HDAC4: variants seen among roughly 807,000 people sequenced by gnomAD.
HDAC4 encodes histone deacetylase 4, also known as histone deacetylase A.
In HDAC4, 16 loss-of-function variants were observed where a neutral mutation model predicts 135.1. The observed-to-expected ratio is 0.12, with a 90% confidence interval of 0.08 to 0.18. HDAC4 has a LOEUF of 0.18. HDAC4 is among the 10% of genes least tolerant of loss of function. The probability of loss-of-function intolerance (pLI) is 1.00; values close to 1 mark genes in which losing one functional copy is unlikely to be tolerated. For synonymous variants in HDAC4, 685 were observed against 653.4 expected, an observed-to-expected ratio of 1.05 and a Z score of -0.74; for missense variants, 1,143 against 1,511.8, an observed-to-expected ratio of 0.76 and a Z score of 4.05.
intron 3 of HDAC4, among the ~76,000 whole-genome samples, chr2:239,236,044 T>C (rs554567511): frequency 1.1e-3 from 167 of 152,280 alleles, no homozygotes; most frequent in Admixed American, 3.6e-3. Flanking sequence ...CGTCTCCAAA[T>C]AGACAAATGC....
At chr2:239,337,921 T>C (rs1692050101) in intron 2 of HDAC4, among the ~76,000 whole-genome samples, 1 of 151,968 alleles carries the variant, frequency 6.6e-6, no homozygotes, top group Non-Finnish European at 1.5e-5. Flanking sequence ...TACACTGCTA[T>C]CTCTTCGGGG....
At chr2:239,258,798 G>T (rs1290582254) in intron 2 of HDAC4, among the ~76,000 whole-genome samples, 4 of 152,184 alleles carry the variant, frequency 2.6e-5, no homozygotes, top group Non-Finnish European at 4.4e-5. Flanking sequence ...TGGCAGATGG[G>T]CACACAAACA....
intron 13 of HDAC4, among the ~76,000 whole-genome samples, chr2:239,114,677 G>A (rs910743664): frequency 9.9e-5 from 15 of 152,176 alleles, no homozygotes; most frequent in African/African-American, 3.6e-4. Flanking sequence ...GGCCCTGCCT[G>A]CCTTTTTGAT....
intron 11 of HDAC4, among the ~76,000 whole-genome samples, chr2:239,129,931 A>C (rs1443893828): frequency 6.6e-6 from 1 of 152,156 alleles, no homozygotes; most frequent in African/African-American, 2.4e-5. Flanking sequence ...AAGGTGAAAG[A>C]CTGGATTGCT....
intron 2 of HDAC4, chr2:239,298,557 G>A (rs1416070111): frequency 2.0e-6 from 2 of 1,020,876 alleles, no homozygotes; most frequent in Non-Finnish European, 2.4e-6. Flanking sequence ...GGGGATGCAG[G>A]TGCCCCTGCA....
intron 12 of HDAC4, among the ~76,000 whole-genome samples, chr2:239,120,069 A>T (rs540526267): frequency 1.7e-4 from 26 of 152,182 alleles, no homozygotes; most frequent in Admixed American, 3.9e-4. Flanking sequence ...ACCACAGAGG[A>T]GGTGCTGGCC....
rs1014686891 is a variant in HDAC4 at position 239,303,764 on chromosome 2, C to G, written c.22+48914G>C. Among the ~76,000 whole-genome samples, 3 of 152,204 alleles carry G rather than the reference C, an allele frequency of 2.0e-5. No individual in the cohort carries two copies. The South Asian group carries it at 6.2e-4, about 32-fold the overall frequency. ...CTCACCCCTCACTCTTCAAAAGCGA[C>G]TGCGACAGCTGCATCCCCCGTGCTC... is the stretch of plus-strand genomic sequence containing the variant. On this transcript the variant is annotated intron_variant, in intron 2 of 26. Transcript: ENST00000543185. This position sits in a 1 kb window ranked among gnomAD's most constrained non-coding sequence, Gnocchi z 5.1.
intron 4 of HDAC4, 56 bp downstream of exon 4, chr2:239,189,777 C>T (rs530695924): frequency 1.1e-4 from 169 of 1,532,200 alleles, no homozygotes; most frequent in South Asian, 5.9e-4. Flanking sequence ...CTGGAGTCAC[C>T]GGGAGTTGAG....
chr2:239,206,394 G>GCACA lies in HDAC4; in HGVS notation c.95-16321_95-16318dup, dbSNP rs5839729. On this transcript the variant is annotated intron_variant, in intron 3 of 26. Transcript: ENST00000543185. ...CTGTTATATACATGCACACATACGT[G>GCACA]CACACACACACACACACACACACAT... 0.011 allele frequency among the ~76,000 whole-genome samples: 1,711 copies of GCACA among 148,834 alleles called. 56 individuals are homozygous for GCACA. The East Asian group carries it at 0.13, about 11-fold the overall frequency.
chr2:239,188,612 C>A (rs113927736), intron 4 of HDAC4, among the ~76,000 whole-genome samples: 4 of 152,232 alleles, frequency 2.6e-5, no homozygotes, highest in Non-Finnish European at 4.4e-5. Context: ...CCACGAACCA[C>A]GTGTGGCTCG....
intron 20 of HDAC4, among the ~76,000 whole-genome samples, chr2:239,083,383 T>A (rs2035547529): frequency 6.6e-6 from 1 of 152,198 alleles, no homozygotes; most frequent in Admixed American, 6.5e-5. Context: ...CTCTGCCGCA[T>A]CCCCTGACCT....
intron 2 of HDAC4, among the ~76,000 whole-genome samples, chr2:239,278,327 TA>T (rs143003138): frequency 3.3e-4 from 50 of 151,090 alleles, no homozygotes; most frequent in African/African-American, 1.0e-3. Flanking sequence ...AGCATTTGTT[TA>T]AAAAAAAAAT....
intron 3 of HDAC4, among the ~76,000 whole-genome samples, chr2:239,192,273 G>A (rs1351628435): frequency 7.0e-6 from 1 of 142,854 alleles, no homozygotes; most frequent in Non-Finnish European, 1.5e-5. Context: ...TCCATGTGCA[G>A]GAGCAGAAAG....
At chr2:239,071,779 A>G (rs1352464598) in intron 22 of HDAC4, among the ~76,000 whole-genome samples, 10 of 152,042 alleles carry the variant, frequency 6.6e-5, no homozygotes, top group Admixed American at 6.5e-4. Flanking sequence ...GCTGATCTGG[A>G]CGCTGTGGTT....
intron 2 of HDAC4, among the ~76,000 whole-genome samples, chr2:239,304,919 AGCCACATG>A (rs1257748396): frequency 4.6e-5 from 7 of 152,200 alleles, no homozygotes; most frequent in African/African-American, 1.7e-4. Context: ...CTCTGTGGGG[AGCCACATG>A]GCCCAGCAGA....
At chr2:239,087,024 G>A (rs956135709) in intron 19 of HDAC4, among the ~76,000 whole-genome samples, 1 of 152,134 alleles carries the variant, frequency 6.6e-6, no homozygotes, top group East Asian at 1.9e-4. Flanking sequence ...GGATGGATCC[G>A]GGAGGACCCA....
At chr2:239,368,368 A>G (rs1441916328) in intron 1 of HDAC4, among the ~76,000 whole-genome samples, 2 of 152,192 alleles carry the variant, frequency 1.3e-5, no homozygotes, top group Non-Finnish European at 2.9e-5. Context: ...AGACCCTGAA[A>G]TGCACCGTCC....
intron 2 of HDAC4, among the ~76,000 whole-genome samples, chr2:239,304,250 G>A (rs1177048565): frequency 6.6e-6 from 1 of 152,124 alleles, no homozygotes; most frequent in Non-Finnish European, 1.5e-5. Context: ...AGCTGGGAAG[G>A]CCTCAAGCAG....
intron 3 of HDAC4, 91 bp from the exon 4 acceptor site, chr2:239,190,168 A>G: frequency 1.1e-5 from 9 of 828,278 alleles, no homozygotes; most frequent in South Asian, 3.5e-5. Flanking sequence ...GGCCACCTTC[A>G]CGGGGCGGGG....
Sources: gnomAD v4.1 joint callset for allele counts (sites outside exome capture counted in the v4.1 genomes callset) on GRCh38, gnomAD v4.1.1 for gene constraint, Gnocchi (gnomAD v3.1) non-coding constraint, MANE v1.5 for transcripts, NCBI Gene and HGNC (gene_info 2026-07-23, HGNC 2026-07-21) for gene names.